The following FHIT variants were observed in gnomAD, a reference collection of about 807,000 sequenced individuals.
FHIT encodes bis(5'-adenosyl)-triphosphatase.
Under a neutral mutation model 17.9 loss-of-function variants are expected in FHIT, and 19 were observed. The ratio of observed to expected loss-of-function variants is 1.06; its 90% CI spans 0.74 to 1.56. The LOEUF (loss-of-function observed/expected upper bound fraction) is 1.56, where lower values mean the gene tolerates loss of function less well. Ranked by LOEUF, FHIT falls within the 40% of genes most tolerant of loss-of-function variation. The probability of loss-of-function intolerance (pLI) is 0.00; values close to 1 mark genes in which losing one functional copy is unlikely to be tolerated. For synonymous variants in FHIT, 81 were observed against 69.7 expected (o/e 1.16, Z -0.81); for missense variants, 248 against 189.2 (o/e 1.31, Z -1.82).
At chr3:59,803,510 T>C (rs1350842729) in intron 8 of FHIT, among the ~76,000 whole-genome samples, 1 of 152,192 alleles carries the variant, frequency 6.6e-6, no homozygotes, top group Non-Finnish European at 1.5e-5. Context: ...GAGTGGGGGA[T>C]GTGCAAAGGC....
chr3:60,910,010 A>G (rs1012658961), intron 3 of FHIT, among the ~76,000 whole-genome samples: 74 of 152,338 alleles, frequency 4.9e-4, no homozygotes, highest in African/African-American at 1.5e-3. Flanking sequence ...GGTGAGAAGC[A>G]TAGAAATGAA....
At chr3:60,033,451 G>A (rs981306948) in intron 5 of FHIT, among the ~76,000 whole-genome samples, 2 of 151,252 alleles carry the variant, frequency 1.3e-5, no homozygotes, top group African/African-American at 4.9e-5. Context: ...CCAAGATCGC[G>A]CCATTGCACT....
chr3:61,011,644 A>G (rs1219661469), intron 3 of FHIT, among the ~76,000 whole-genome samples: 1 of 152,174 alleles, frequency 6.6e-6, no homozygotes, highest in Non-Finnish European at 1.5e-5. Flanking sequence ...CCTAAAATTG[A>G]TATGTCTGAA....
At chr3:61,036,315 GC>G (rs961870409) in intron 3 of FHIT, among the ~76,000 whole-genome samples, 10 of 150,848 alleles carry the variant, frequency 6.6e-5, no homozygotes, top group African/African-American at 1.2e-4. Context: ...TGAGGGATCA[GC>G]CCCCCCTGAT....
chr3:60,160,796 G>A (rs1322768752), intron 5 of FHIT, among the ~76,000 whole-genome samples: 3 of 150,870 alleles, frequency 2.0e-5, no homozygotes, highest in Non-Finnish European at 4.4e-5. Flanking sequence ...AGCTGAATGA[G>A]AGTGAGAATG....
At chr3:61,238,951 T>C (rs141413054) in intron 1 of FHIT, among the ~76,000 whole-genome samples, 47 of 152,282 alleles carry the variant, frequency 3.1e-4, no homozygotes, top group Non-Finnish European at 6.3e-4. Flanking sequence ...GATGCTCTGA[T>C]CAGAACCTAG....
chr3:60,318,999 G>A (rs1016597986), intron 5 of FHIT, among the ~76,000 whole-genome samples: 2 of 152,056 alleles, frequency 1.3e-5, no homozygotes, highest in African/African-American at 4.8e-5. Flanking sequence ...CACATGGCCT[G>A]CTCTCTGATT....
At chr3:60,801,635 C>G (rs547455135) in intron 4 of FHIT, among the ~76,000 whole-genome samples, 8 of 152,282 alleles carry the variant, frequency 5.3e-5, no homozygotes, top group African/African-American at 1.4e-4. Context: ...CAAGGTTATG[C>G]AAAAGAGAAA....
chr3:60,849,445 T>C (rs1342280232), intron 3 of FHIT, among the ~76,000 whole-genome samples: 2 of 96,026 alleles, frequency 2.1e-5, no homozygotes, highest in African/African-American at 7.5e-5. Context: ...AAATGAAATA[T>C]ATATATATAT....
chr3:61,031,538 T>C (rs2033009995), intron 3 of FHIT, among the ~76,000 whole-genome samples: 2 of 152,334 alleles, frequency 1.3e-5, no homozygotes, highest in South Asian at 4.1e-4. Flanking sequence ...CTCATGTAAA[T>C]TGAATTCATC....
intron 4 of FHIT, among the ~76,000 whole-genome samples, chr3:60,546,556 T>G (rs973796058): frequency 6.6e-6 from 1 of 152,208 alleles, no homozygotes; most frequent in Non-Finnish European, 1.5e-5. Context: ...CTCTACTGAT[T>G]GTATTTTCAT....
chr3:60,626,084 TGATCTTTA>T (rs1175590515), intron 4 of FHIT, among the ~76,000 whole-genome samples: 3 of 152,206 alleles, frequency 2.0e-5, no homozygotes, highest in Non-Finnish European at 4.4e-5. Context: ...TCTATGCCAT[TGATCTTTA>T]TTGTTATGTC....
intron 7 of FHIT, among the ~76,000 whole-genome samples, chr3:59,969,974 T>A (rs1052686689): frequency 1.3e-5 from 2 of 152,040 alleles, no homozygotes; most frequent in African/African-American, 4.8e-5. Context: ...CACATCTCCC[T>A]CCAGAAAATT....
chr3:60,191,779 T>C (rs1246446756), intron 5 of FHIT, among the ~76,000 whole-genome samples: 1 of 152,092 alleles, frequency 6.6e-6, no homozygotes, highest in African/African-American at 2.4e-5. Flanking sequence ...ATTTAAAACA[T>C]AAAGCATTGA....
intron 5 of FHIT, among the ~76,000 whole-genome samples, chr3:60,035,440 G>C (rs979044010): frequency 6.6e-6 from 1 of 152,192 alleles, no homozygotes; most frequent in African/African-American, 2.4e-5. Flanking sequence ...GTTTCACCTT[G>C]TTGGCCAGGC....
intron 8 of FHIT, among the ~76,000 whole-genome samples, chr3:59,900,203 A>G (rs2107072971): frequency 6.6e-6 from 1 of 152,270 alleles, no homozygotes; most frequent in Middle Eastern, 3.4e-3. Flanking sequence ...GAATGACTTA[A>G]GCAACAGACT....
intron 5 of FHIT, among the ~76,000 whole-genome samples, chr3:60,353,588 GC>G (rs919198139): frequency 2.6e-4 from 39 of 151,930 alleles, no homozygotes; most frequent in African/African-American, 9.4e-4. Context: ...TGGCATAGTA[GC>G]CTTAATCAAA....
At position 60,129,791 on chromosome 3, in the gene FHIT, T is replaced by A. The variant is rs536659849; in HGVS notation, c.104-115639A>T. Reference sequence around the variant, plus strand: ...GTACAGCCCATTATTGAATTCTGGATCTTAGTGATATCCAATATATTATCA... The same window carrying A: ...GTACAGCCCATTATTGAATTCTGGAACTTAGTGATATCCAATATATTATCA... On this transcript the variant is annotated intron_variant, in intron 5 of 9. Transcript: ENST00000492590. 1.0e-3 allele frequency among the ~76,000 whole-genome samples: 159 copies of A among 152,306 alleles called. 1 individual carries two copies. Among genetic ancestry groups the A allele is most frequent in the African/African-American group, 3.6e-3 (149 of 41,566 alleles).
At chr3:61,066,016 G>C (rs1476543639) in intron 2 of FHIT, among the ~76,000 whole-genome samples, 2 of 152,120 alleles carry the variant, frequency 1.3e-5, no homozygotes, top group Admixed American at 1.3e-4. Context: ...GGAAGCCCAA[G>C]ATCAAGGGCC....
Sources: allele counts gnomAD v4.1 joint callset (sites outside exome capture counted in the v4.1 genomes callset), GRCh38; gene constraint gnomAD v4.1.1; transcripts MANE v1.5; gene names NCBI Gene and HGNC (gene_info 2026-07-23, HGNC 2026-07-21).